Variants in ADGRG4 observed in about 807,000 individuals in gnomAD.
ADGRG4 encodes G protein-coupled receptor 112.
Under a neutral mutation model 126.2 loss-of-function variants are expected in ADGRG4, and 122 were observed. The ratio of observed to expected loss-of-function variants is 0.97; its 90% CI spans 0.83 to 1.12. ADGRG4 has a LOEUF of 1.12. Among genes scored for constraint, ADGRG4 ranks in the 50% most tolerant of loss-of-function variants. The probability of loss-of-function intolerance (pLI) is 0.00; values close to 1 mark genes in which losing one functional copy is unlikely to be tolerated. For synonymous variants in ADGRG4, 943 were observed against 838.7 expected (o/e 1.12, Z -2.15); for missense variants, 2,481 against 2,251.8 (o/e 1.10, Z -2.06).
rs372360005 is a variant in ADGRG4, at chrX:136,344,544, G to T, written c.838G>T (p.Asp280Tyr). 8.3e-6 allele frequency: 10 copies of T among 1,205,160 alleles called. No homozygotes were observed. Among genetic ancestry groups the T allele is most frequent in the Non-Finnish European group, 1.1e-5 (10 of 889,917 alleles). Residue 280 changes from aspartate (D) to tyrosine (Y), a missense_variant, in exon 6 of 26, where the codon GAT becomes TAT. Transcript: ENST00000394143. ...LSQSIPIFAT[D>Y]YTTISYSNTT... Reference sequence around the variant, plus strand: ...TCAAAGCATACCTATATTTGCAACTGATTACACAACCATATCATATTCCAA... The same window carrying T: ...TCAAAGCATACCTATATTTGCAACTTATTACACAACCATATCATATTCCAA...
At chrX:136,311,284 A>T (rs1239632200) in intron 4 of ADGRG4, among the ~76,000 whole-genome samples, 2 of 110,340 alleles carry the variant, frequency 1.8e-5, no homozygotes, top group Non-Finnish European at 3.8e-5. Flanking sequence ...AGTCCATAAC[A>T]TGATTTTCCT....
At chrX:136,389,091 G>A (rs747885561) in intron 16 of ADGRG4, among the ~76,000 whole-genome samples, 2 of 111,510 alleles carry the variant, frequency 1.8e-5, no homozygotes, top group African/African-American at 3.3e-5. Context: ...AGCTATGTCT[G>A]TAAGACTTTC....
In ADGRG4 at chrX:136,412,317, G is replaced by A. The variant is rs2075450371; in HGVS notation, c.8988G>A (p.Gln2996=). 3.3e-6 allele frequency: 4 copies of A among 1,201,448 alleles called. No homozygotes were observed. In the South Asian group the frequency reaches 5.3e-5, roughly 16 times the overall value. Residue 2996 remains glutamine (Q), a synonymous_variant, in exon 24 of 26, where the codon CAG becomes CAA. Transcript: ENST00000394143. The part of the protein sequence containing the change: ...HCVMKESVRE[Q]WQIHLCCGWL... ...TGATGAAGGAGAGTGTGCGGGAGCA[G>A]TGGCAGATACACCTCTGCTGTGGGT...
At chrX:136,314,692 T>C (rs1392117225) in intron 4 of ADGRG4, among the ~76,000 whole-genome samples, 1 of 112,262 alleles carries the variant, frequency 8.9e-6, no homozygotes, top group Admixed American at 9.5e-5. Flanking sequence ...TTCAGAGTAC[T>C]GTATGTAATT....
At chrX:136,402,024 C>A (rs2075382017) in intron 21 of ADGRG4, among the ~76,000 whole-genome samples, 1 of 112,270 alleles carries the variant, frequency 8.9e-6, no homozygotes, top group Non-Finnish European at 1.9e-5. Flanking sequence ...TGCACGGTCA[C>A]CAGGGAGCCA....
chrX:136,383,657 T>C (rs1258766591), intron 15 of ADGRG4, among the ~76,000 whole-genome samples: 1 of 111,499 alleles, frequency 9.0e-6, no homozygotes, highest in Non-Finnish European at 1.9e-5. Flanking sequence ...TAATTATTTA[T>C]GTGGTTGGAT....
chrX:136,405,381 T>C (rs2075400003), intron 22 of ADGRG4, among the ~76,000 whole-genome samples: 1 of 111,452 alleles, frequency 9.0e-6, no homozygotes, highest in Admixed American at 9.5e-5. Flanking sequence ...AAATGTATCA[T>C]TCGTTTTTCT....
At chrX:136,304,096 A>G (rs1225758662) in intron 1 of ADGRG4, 37 bp from the exon 2 acceptor site, 2 of 111,114 alleles carry the variant, frequency 1.8e-5, no homozygotes, top group Non-Finnish European at 3.8e-5. Context: ...CTCACATCTC[A>G]GACTGCAATT....
In ADGRG4 at chrX:136,376,088, A is replaced by G. The variant is rs1390645121; in HGVS notation, c.7776+3024A>G. Among the ~76,000 whole-genome samples the G allele has an allele frequency of 2.7e-5, 3 of 111,568 alleles. No homozygotes were observed. In the East Asian group the frequency reaches 8.4e-4, roughly 31 times the overall value. The stretch of plus-strand genomic sequence containing the variant: ...CGTTAATTTTTGTATAATGCGAGGG[A>G]TGGGGATCCAGTTTCATTTTTCTCC... On this transcript the variant is annotated intron_variant, in intron 15 of 25. Transcript: ENST00000394143.
chrX:136,410,723 C>T (rs1279031899), intron 23 of ADGRG4, among the ~76,000 whole-genome samples: 2 of 111,456 alleles, frequency 1.8e-5, no homozygotes, highest in Non-Finnish European at 1.9e-5. Context: ...TATTGAGCGG[C>T]CGCACTTAGT....
chrX:136,413,061 T>TG (rs2075454757), intron 24 of ADGRG4, among the ~76,000 whole-genome samples: 2 of 110,128 alleles, frequency 1.8e-5, no homozygotes, highest in Admixed American at 1.9e-4. Flanking sequence ...TATTTTATTT[T>TG]TTTTCTTCCA....
intron 5 of ADGRG4, among the ~76,000 whole-genome samples, chrX:136,339,148 A>G (rs1267570236): frequency 9.0e-6 from 1 of 111,182 alleles, no homozygotes; most frequent in Non-Finnish European, 1.9e-5. Context: ...TAGTTTTCGT[A>G]GACTTGGCCA....
Position 136,405,699 on chromosome X carries a change from A to G in ADGRG4, c.8662A>G (p.Ile2888Val). ...TLSPTTPFCWIKDDSIFYISV... is the reference protein window; with the variant it reads ...TLSPTTPFCWVKDDSIFYISV... ...CTTCTTTGTTTCTTACAGTTGTTGG[A>G]TTAAAGATGATTCTATCTTTTACAT... The change falls in exon 23 of 26, where the codon ATT becomes GTT. Residue 2888 changes from isoleucine (I) to valine (V), a missense_variant. Coordinates refer to ENST00000394143, the MANE Select transcript of ADGRG4 (RefSeq NM_153834.4). 6 of 1,159,554 alleles carry G rather than the reference A, an allele frequency of 5.2e-6. No homozygotes were observed. The South Asian group carries it at 1.0e-4, about 20-fold the overall frequency.
chrX:136,348,134 C>G lies in ADGRG4; in HGVS notation c.4428C>G (p.Asp1476Glu). The G allele has an allele frequency of 1.7e-6, 2 of 1,209,946 alleles. No homozygotes were observed. Among genetic ancestry groups the G allele is most frequent in the Non-Finnish European group, 2.2e-6 (2 of 894,092 alleles). Residue 1476 changes from aspartate to glutamate, a missense_variant, in exon 6 of 26, where the codon GAC (aspartate) becomes GAG (glutamate). By Grantham distance (45) the Asp-to-Glu change is conservative (BLOSUM62 2). Coordinates refer to ENST00000394143, the MANE Select transcript of ADGRG4 (RefSeq NM_153834.4). ...TTTCCACAGCTGGACTATATAATGA[C>G]GGTTTTACAGTTCTCTCCGACAGGA... ...LSLSTAGLYN[D>E]GFTVLSDRIT...
At chrX:136,318,275 G>A (rs889218274) in intron 4 of ADGRG4, among the ~76,000 whole-genome samples, 3 of 111,682 alleles carry the variant, frequency 2.7e-5, no homozygotes, top group East Asian at 2.8e-4. Flanking sequence ...GAAAGAAGCC[G>A]ACAAGAAAGG....
chrX:136,325,387 C>T lies in ADGRG4; in HGVS notation c.685+1995C>T, dbSNP rs144260408. Among the ~76,000 whole-genome samples the T allele has an allele frequency of 1.5e-4, 17 of 111,909 alleles. No individual in the cohort carries two copies. In the East Asian group the frequency reaches 4.8e-3, roughly 31 times the overall value. ...CAGGAAAGCTATTCCTTTGTGCTAC[C>T]ACCCAAAGATATTTGTTTTTTCTCT... On this transcript the variant is annotated intron_variant, in intron 5 of 25. Coordinates refer to ENST00000394143, the MANE Select transcript of ADGRG4 (RefSeq NM_153834.4).
In ADGRG4 at chrX:136,349,607, A is replaced by G. The variant is rs776856405; in HGVS notation, c.5901A>G (p.Thr1967=). Residue 1967 remains threonine (T), a synonymous_variant, in exon 6 of 26, where the codon ACA becomes ACG. Coordinates refer to ENST00000394143, the MANE Select transcript of ADGRG4 (RefSeq NM_153834.4). ...CATCTTTAAGAGCTATCACTTCCAC[A>G]TTGGCTGACGTTAAGCACACATTTG... ...LSTSLRAITS[T]LADVKHTFEK... is the part of the protein sequence containing the mutation. 1 of 1,207,408 alleles carries G rather than the reference A, an allele frequency of 8.3e-7. No homozygotes were observed. Among genetic ancestry groups the G allele is most frequent in the East Asian group, 3.0e-5 (1 of 33,702 alleles).
chrX:136,396,534 G>T (rs1287700555), intron 19 of ADGRG4, among the ~76,000 whole-genome samples: 2 of 99,962 alleles, frequency 2.0e-5, no homozygotes, highest in African/African-American at 7.3e-5. Context: ...GGTTGAGGCT[G>T]CAGTAGGCCG....
intron 21 of ADGRG4, 84 bp downstream of exon 21, chrX:136,400,200 A>G (rs2075372754): frequency 2.5e-6 from 2 of 803,684 alleles, no homozygotes; most frequent in East Asian, 6.3e-5. Context: ...TGTTAATATC[A>G]TAGGTAAAAA....
Sources: gnomAD v4.1 joint callset for allele counts (sites outside exome capture counted in the v4.1 genomes callset) on GRCh38, gnomAD v4.1.1 for gene constraint, MANE v1.5 for transcripts, NCBI Gene and HGNC (gene_info 2026-07-23, HGNC 2026-07-21) for gene names.